The following CELF2 variants were observed in gnomAD, a reference collection of about 807,000 sequenced individuals.
CELF2 encodes CUGBP Elav-like family member 2, also known as CUG triplet repeat RNA-binding protein 2.
Under a neutral mutation model 62.6 loss-of-function variants are expected in CELF2, and 8 were observed. The observed-to-expected ratio is 0.13, with a 90% CI of 0.07 to 0.23. The LOEUF is 0.23. Ranked by LOEUF, CELF2 falls within the 10% of genes least tolerant of loss-of-function variation. The pLI is 1.00. For synonymous variants in CELF2, 258 were observed against 250.0 expected (o/e 1.03, Z -0.30); for missense variants, 333 against 671.0 (o/e 0.50, Z 5.56).
At chr10:11,026,768 C>G (rs772979851) in intron 1 of CELF2, among the ~76,000 whole-genome samples, 6 of 152,190 alleles carry the variant, frequency 3.9e-5, no homozygotes, top group Non-Finnish European at 7.3e-5. Context: ...GGGCCACAGC[C>G]GTCTGGGACT....
chr10:11,290,048 A>G lies in CELF2; in HGVS notation c.976+1496A>G, dbSNP rs2092263790. On this transcript the variant is annotated intron_variant, in intron 9 of 12. Coordinates refer to ENST00000633077, the MANE Select transcript of CELF2 (RefSeq NM_001326342.2). This position sits in a 1 kb window ranked among gnomAD's most constrained non-coding sequence, Gnocchi z 4.3. The stretch of plus-strand genomic sequence containing the variant: ...TTTTGGAGCATCTTCAGTCCAAAGG[A>G]GGCTTGACAGTTTAAGAAGCCAAAT... 6.6e-6 allele frequency among the ~76,000 whole-genome samples: 1 copy of G among 152,174 alleles called. No individual in the cohort carries two copies.
At chr10:10,945,362 G>A (rs904878769) in intron 2 of CELF2, among the ~76,000 whole-genome samples, 9 of 152,222 alleles carry the variant, frequency 5.9e-5, no homozygotes, top group South Asian at 2.1e-4. Flanking sequence ...ACCTGCTCTC[G>A]GCCAGACCCC....
chr10:11,273,968 A>ACCCCCCCCCCCCCCCCCC (rs10612614), intron 7 of CELF2, among the ~76,000 whole-genome samples: 14 of 96,458 alleles, frequency 1.5e-4, no homozygotes, highest in Admixed American at 3.2e-4. Context: ...AGTGATCCCC[A>ACCCCCCCCCCCCCCCCCC]CCCCCCCCCC....
Position 11,290,417 on chromosome 10 carries a change from C to G in CELF2, c.976+1865C>G, listed in dbSNP as rs1451998301. Reference sequence around the variant, plus strand: ...GGCTCTGTGGTGGACCGCGTCCGTTCCAGCCCACGTTGGGAGGAGTGTGAG... The same window carrying G: ...GGCTCTGTGGTGGACCGCGTCCGTTGCAGCCCACGTTGGGAGGAGTGTGAG... On this transcript the variant is annotated intron_variant, in intron 9 of 12. Coordinates refer to ENST00000633077, the MANE Select transcript of CELF2 (RefSeq NM_001326342.2). The surrounding 1 kb of genome is among the most constrained non-coding windows in gnomAD (Gnocchi z 4.3). Among the ~76,000 whole-genome samples, 1 of 151,890 alleles carries G rather than the reference C, an allele frequency of 6.6e-6. No homozygotes were observed. The highest frequency in any genetic ancestry group is 2.4e-5 in the African/African-American group (1 of 41,330).
At chr10:10,613,256 G>C in the CELF2 span, among the ~76,000 whole-genome samples, 1 of 152,164 alleles carries the variant, frequency 6.6e-6, no homozygotes, top group Non-Finnish European at 1.5e-5. Flanking sequence ...TGGGGGATCG[G>C]AATATTATTG....
At chr10:10,624,492 A>G in the CELF2 span, among the ~76,000 whole-genome samples, 1 of 152,208 alleles carries the variant, frequency 6.6e-6, no homozygotes, top group Non-Finnish European at 1.5e-5. Flanking sequence ...AGCTCCCTTC[A>G]TCTATTCACA....
intron 1 of CELF2, among the ~76,000 whole-genome samples, chr10:11,089,755 T>C (rs1249747826): frequency 6.6e-6 from 1 of 152,108 alleles, no homozygotes; most frequent in African/African-American, 2.4e-5. Context: ...CTGTTCACAA[T>C]AGCAAAGACA....
the CELF2 span, among the ~76,000 whole-genome samples, chr10:10,473,271 C>T: frequency 6.6e-6 from 1 of 151,828 alleles, no homozygotes; most frequent in African/African-American, 2.4e-5. Flanking sequence ...AGGCAGAGAC[C>T]AGAGTTACAT....
At chr10:11,078,519 G>T (rs982215047) in intron 1 of CELF2, among the ~76,000 whole-genome samples, 1 of 152,064 alleles carries the variant, frequency 6.6e-6, no homozygotes, top group African/African-American at 2.4e-5. Flanking sequence ...AGAGTCACTG[G>T]TTTCATTCAT....
the CELF2 span, among the ~76,000 whole-genome samples, chr10:10,758,471 G>A: frequency 1.3e-5 from 2 of 152,210 alleles, no homozygotes; most frequent in South Asian, 4.1e-4. Flanking sequence ...CTCGTCCAAA[G>A]ATAGCATTCA....
intron 2 of CELF2, among the ~76,000 whole-genome samples, chr10:10,977,438 C>T (rs912870088): frequency 9.9e-5 from 15 of 152,092 alleles, no homozygotes; most frequent in African/African-American, 3.6e-4. Context: ...CATATGCAAC[C>T]ACTGAGATCT....
the CELF2 span, among the ~76,000 whole-genome samples, chr10:10,630,104 G>T: frequency 1.3e-5 from 2 of 151,764 alleles, no homozygotes; most frequent in African/African-American, 2.4e-5. Context: ...TCAACCCATC[G>T]CCCACTTTCC....
At position 11,110,847 on chromosome 10, in the gene CELF2, T is replaced by C. The variant is rs1213166007; in HGVS notation, c.75-54639T>C. Reference sequence around the variant, plus strand: ...ACCACCTCATTTCATGCCCGAGAGCTTGGAAGCCTAGACCCCCACTAACAA... The same window carrying C: ...ACCACCTCATTTCATGCCCGAGAGCCTGGAAGCCTAGACCCCCACTAACAA... On this transcript the variant is annotated intron_variant, in intron 1 of 12. Coordinates refer to ENST00000633077, the MANE Select transcript of CELF2 (RefSeq NM_001326342.2). The surrounding 1 kb of genome is among the most constrained non-coding windows in gnomAD (Gnocchi z 4.0). Among the ~76,000 whole-genome samples, 1 of 152,126 alleles carries C rather than the reference T, an allele frequency of 6.6e-6. No individual in the cohort carries two copies. Among genetic ancestry groups the C allele is most frequent in the African/African-American group, 2.4e-5 (1 of 41,422 alleles).
At chr10:10,570,643 A>G in the CELF2 span, among the ~76,000 whole-genome samples, 8 of 152,158 alleles carry the variant, frequency 5.3e-5, no homozygotes, top group Non-Finnish European at 1.2e-4. Context: ...AAATATGTAT[A>G]TATTTGCCAC....
intron 1 of CELF2, among the ~76,000 whole-genome samples, chr10:11,054,589 T>C (rs2064798631): frequency 1.3e-5 from 2 of 152,114 alleles, no homozygotes; most frequent in Admixed American, 1.3e-4. Flanking sequence ...TCTCATTTCA[T>C]AGTGGCCTAC....
chr10:10,685,334 A>G, the CELF2 span, among the ~76,000 whole-genome samples: 1 of 152,224 alleles, frequency 6.6e-6, no homozygotes, highest in Admixed American at 6.5e-5. Context: ...ATTAAATCAT[A>G]AAACTTTCCA....
the CELF2 span, among the ~76,000 whole-genome samples, chr10:10,653,675 C>A: frequency 6.9e-6 from 1 of 145,192 alleles, no homozygotes; most frequent in African/African-American, 2.6e-5. Flanking sequence ...CCAACGAGAA[C>A]AAAGACACAA....
intron 5 of CELF2, among the ~76,000 whole-genome samples, chr10:11,259,495 G>A (rs1323517577): frequency 6.6e-6 from 1 of 150,676 alleles, no homozygotes; most frequent in East Asian, 2.0e-4. Context: ...CTGAAATTTT[G>A]TTATATAACA....
At chr10:10,589,077 T>C in the CELF2 span, among the ~76,000 whole-genome samples, 1 of 152,200 alleles carries the variant, frequency 6.6e-6, no homozygotes, top group African/African-American at 2.4e-5. Flanking sequence ...GTTTTATACA[T>C]TTTAGGGAGA....
Sources: gnomAD v4.1 joint callset for allele counts (sites outside exome capture counted in the v4.1 genomes callset) on GRCh38, gnomAD v4.1.1 for gene constraint, Gnocchi (gnomAD v3.1) non-coding constraint, MANE v1.5 for transcripts, NCBI Gene and HGNC (gene_info 2026-07-23, HGNC 2026-07-21) for gene names.